Variants in APOD observed in about 807,000 individuals in gnomAD.
The protein encoded by APOD is apo-D.
In APOD, 22 loss-of-function variants were observed where a neutral mutation model predicts 20.4. That is an observed-to-expected ratio of 1.08 (90% confidence interval 0.77 to 1.54). APOD has a LOEUF of 1.54. Among genes scored for constraint, APOD ranks in the 40% most tolerant of loss-of-function variants. APOD has a pLI of 0.00. For missense variants in APOD, 223 were observed against 229.6 expected (o/e 0.97, Z 0.19); for synonymous variants, 97 against 92.4 (o/e 1.05, Z -0.29).
At position 195,568,762 on chromosome 3, in the gene APOD, G is replaced by A; in HGVS notation, c.*138C>T. On this transcript the variant is annotated 3_prime_UTR_variant, in exon 5 of 5. Transcript: ENST00000343267. ...ACAAGTTTATTTTGCAGCTAGCAAG[G>A]TAACAGGGTAGGGCATGGTTACATG... 1.5e-6 allele frequency: 1 copy of A among 662,270 alleles called. No individual in the cohort carries two copies. The highest frequency in any genetic ancestry group is 2.7e-6 in the Non-Finnish European group (1 of 372,466). The allele number at this position is 662,270 out of a possible 1,614,324, so 41.0% of individuals were successfully genotyped here.
At position 195,573,896 on chromosome 3, in the gene APOD, A is replaced by C. The variant is rs770211419; in HGVS notation, c.199T>G (p.Ser67Ala). 3 of 1,614,036 alleles carry C rather than the reference A, an allele frequency of 1.9e-6. No individual in the cohort carries two copies. In the Admixed American group the frequency reaches 5.0e-5, roughly 27 times the overall value. ...ENGRCIQANY[S>A]LMENGKIKVL... ...TTGATCTTTCCGTTTTCCATTAGTG[A>C]GTAGTTGGCCTGGATGCAGCGTCCA... Residue 67 changes from serine to alanine, a missense_variant, in exon 3 of 5, where the codon TCA becomes GCA. By Grantham distance (99) the Ser-to-Ala change is moderately conservative. Transcript: ENST00000343267.
intron 3 of APOD, among the ~76,000 whole-genome samples, chr3:195,572,795 A>C (rs1034367707): frequency 6.6e-6 from 1 of 152,062 alleles, no homozygotes; most frequent in Admixed American, 6.6e-5. Context: ...GGCGGATCAC[A>C]AGGTCAGGAG....
At chr3:195,570,903 T>C (rs1200402966) in intron 4 of APOD, 1 of 219,388 alleles carries the variant, frequency 4.6e-6, no homozygotes, top group African/African-American at 2.2e-5. Flanking sequence ...CAGGTTGTTC[T>C]GCTAATATCT....
rs1211151983 is a variant in APOD, at chr3:195,579,325, G to A, written c.123+14C>T. 3 of 1,614,036 alleles carry A rather than the reference G, an allele frequency of 1.9e-6. No homozygotes were observed. Among genetic ancestry groups the A allele is most frequent in the Admixed American group, 1.7e-5 (1 of 60,024 alleles). On this transcript the variant is annotated intron_variant, in intron 2 of 4. Transcript: ENST00000343267. ...AGCGGAGGCAGCAAAACAAACGGGA[G>A]GTTCGCCTTTTACCTTATTCACGTC...
chr3:195,572,540 A>G (rs1167275295), intron 3 of APOD, among the ~76,000 whole-genome samples: 3 of 152,140 alleles, frequency 2.0e-5, no homozygotes, highest in Non-Finnish European at 4.4e-5. Context: ...ATGACTCCCA[A>G]TGGCCCCATG....
chr3:195,570,433 CCATATT>C (rs1720140502), intron 4 of APOD, among the ~76,000 whole-genome samples: 1 of 152,188 alleles, frequency 6.6e-6, no homozygotes, highest in Non-Finnish European at 1.5e-5. Context: ...AGTTAGTTGT[CCATATT>C]CATAGTGTGA....
chr3:195,574,056 C>T, intron 2 of APOD, 85 bp from the exon 3 acceptor site: 3 of 1,552,318 alleles, frequency 1.9e-6, no homozygotes, highest in Non-Finnish European at 2.6e-6. Flanking sequence ...ACGCAGAGCC[C>T]TGTCCTGGGG....
At position 195,569,012 on chromosome 3, in the gene APOD, G is replaced by A; in HGVS notation, c.458C>T (p.Pro153Leu). 1 of 1,614,090 alleles carries A rather than the reference G, an allele frequency of 6.2e-7. No homozygotes were observed. Among genetic ancestry groups the A allele is most frequent in the Non-Finnish European group, 8.5e-7 (1 of 1,179,980 alleles). Residue 153 changes from proline (P) to leucine (L), a missense_variant, in exon 5 of 5, where the codon CCT becomes CTT. Physicochemically the swap from Pro to Leu is moderately conservative, Grantham distance 98. Transcript: ENST00000343267. Reference protein sequence around the residue: ...VDFAWILARNPNLPPETVDSL... With the variant: ...VDFAWILARNLNLPPETVDSL... The stretch of plus-strand genomic sequence containing the variant: ...GTCCACTGTTTCTGGAGGGAGATTA[G>A]GGTTTCTTGCCAAGATCCAAGCAAA...
chr3:195,572,480 C>T (rs2108968230), intron 3 of APOD, among the ~76,000 whole-genome samples: 1 of 152,244 alleles, frequency 6.6e-6, no homozygotes, highest in South Asian at 2.1e-4. Flanking sequence ...AAGCTGGGGG[C>T]TTAGATTGGA....
At position 195,579,613 on chromosome 3, in the gene APOD, C is replaced by A. The variant is rs942192458; in HGVS notation, c.-34-118G>T. ...GTGGGCGGTCCCTCCTCTTCTCTCCCCAGCCCATGTGAACCCTCATCCTGC... is the reference window on the plus strand; with the variant it reads ...GTGGGCGGTCCCTCCTCTTCTCTCCACAGCCCATGTGAACCCTCATCCTGC... On this transcript the variant is annotated intron_variant, in intron 1 of 4. Transcript: ENST00000343267. 18 of 1,115,670 alleles carry A rather than the reference C, an allele frequency of 1.6e-5. No homozygotes were observed. In the East Asian group the frequency reaches 4.2e-4, roughly 26 times the overall value. 69.1% of individuals were successfully genotyped at this position (1,115,670 alleles called of 1,614,324 possible).
At chr3:195,569,205 G>T (rs567619795) in intron 4 of APOD, 70 bp from the exon 5 acceptor site, 2 of 1,400,260 alleles carry the variant, frequency 1.4e-6, no homozygotes, top group Admixed American at 3.5e-5. Flanking sequence ...ACACAAGAAG[G>T]CTGGCCCAGA....
In APOD at chr3:195,571,294, T is replaced by A; in HGVS notation, c.317A>T (p.Glu106Val). The A allele has an allele frequency of 3.7e-6, 6 of 1,614,092 alleles. No homozygotes were observed. Among genetic ancestry groups the A allele is most frequent in the Non-Finnish European group, 5.1e-6 (6 of 1,179,988 alleles). Residue 106 changes from glutamate (E) to valine (V), a missense_variant, in exon 4 of 5, where the codon GAA becomes GTA. By Grantham distance (121) the Glu-to-Val change is moderately radical. Coordinates refer to ENST00000343267, the MANE Select transcript of APOD (RefSeq NM_001647.4). ...ATACTTACACCAGGAAAACTTAACTTCCAGCTTGGCAGGCTCTGTGAGGTT... is the reference window on the plus strand; with the variant it reads ...ATACTTACACCAGGAAAACTTAACTACCAGCTTGGCAGGCTCTGTGAGGTT... ...PVNLTEPAKL[E>V]VKFSWFMPSA...
Position 195,573,830 on chromosome 3 carries a change from G to T in APOD, c.245+20C>A, listed in dbSNP as rs190804983. The T allele has an allele frequency of 3.1e-6, 5 of 1,612,246 alleles. No homozygotes were observed. The South Asian group carries it at 5.5e-5, about 18-fold the overall frequency. ...ATCAGCACTCCGCAGGCCTGGCCCC[G>T]GACGCCCACAGCCACTCACCTCAAC... On this transcript the variant is annotated intron_variant, in intron 3 of 4. Coordinates refer to ENST00000343267, the MANE Select transcript of APOD (RefSeq NM_001647.4).
intron 4 of APOD, chr3:195,571,015 C>T (rs188627522): frequency 4.9e-4 from 249 of 508,622 alleles, no homozygotes; most frequent in African/African-American, 4.4e-3. Context: ...CCTGTTGAAA[C>T]GCTAGCTAGT....
Position 195,579,344 on chromosome 3 carries a change from T to C in APOD, c.118A>G (p.Asn40Asp). 6.2e-7 allele frequency: 1 copy of C among 1,614,218 alleles called. No homozygotes were observed. The highest frequency in any genetic ancestry group is 8.5e-7 in the Non-Finnish European group (1 of 1,180,038). ...ACGGGAGGTTCGCCTTTTACCTTAT[T>C]CACGTCAAAATTCTCCTGCACCGGA... is the stretch of plus-strand genomic sequence containing the variant. Reference protein sequence around the residue: ...NPPVQENFDVNKYLGRWYEIE... With the variant: ...NPPVQENFDVDKYLGRWYEIE... The change falls in exon 2 of 5, where the codon AAT becomes GAT. Residue 40 changes from asparagine (N) to aspartate (D), a missense_variant. Coordinates refer to ENST00000343267, the MANE Select transcript of APOD (RefSeq NM_001647.4).
Position 195,570,364 on chromosome 3 carries a change from C to A in APOD, c.334+913G>T, listed in dbSNP as rs74632805. 5.9e-3 allele frequency among the ~76,000 whole-genome samples: 903 copies of A among 152,278 alleles called. 3 individuals carry two copies. Among genetic ancestry groups the A allele is most frequent in the Middle Eastern group, 0.01 (3 of 294 alleles). On this transcript the variant is annotated intron_variant, in intron 4 of 4. Coordinates refer to ENST00000343267, the MANE Select transcript of APOD (RefSeq NM_001647.4). The stretch of plus-strand genomic sequence containing the variant: ...ATAAAGCCCTTTACAGTTTACAGAG[C>A]GTGTGTATCTGGTTTATTTTCACGA...
At chr3:195,573,796 T>G in intron 3 of APOD, 54 bp downstream of exon 3, 1 of 1,593,154 alleles carries the variant, frequency 6.3e-7, no homozygotes, top group Non-Finnish European at 8.6e-7. Context: ...GGACACCCAG[T>G]CACTCTGCAT....
At chr3:195,579,117 C>T (rs1049741777) in intron 2 of APOD, among the ~76,000 whole-genome samples, 5 of 152,180 alleles carry the variant, frequency 3.3e-5, no homozygotes, top group African/African-American at 7.2e-5. Context: ...GTGCTGTCTC[C>T]GACTCACCTT....
At chr3:195,581,667 G>A (rs1194907488) in intron 1 of APOD, among the ~76,000 whole-genome samples, 6 of 152,216 alleles carry the variant, frequency 3.9e-5, no homozygotes. Context: ...CCGCCATAGG[G>A]CCTTTCAATA....
Sources: allele counts gnomAD v4.1 joint callset (sites outside exome capture counted in the v4.1 genomes callset), GRCh38; gene constraint gnomAD v4.1.1; transcripts MANE v1.5; gene names NCBI Gene and HGNC (gene_info 2026-07-23, HGNC 2026-07-21).